KSR1: variants seen among roughly 807,000 people sequenced by gnomAD.
KSR1 encodes kinase suppressor of ras.
KSR1 carries 35 observed loss-of-function variants against 92.9 expected under a neutral mutation model. The observed-to-expected ratio is 0.38, with a 90% CI of 0.29 to 0.50. The LOEUF (loss-of-function observed/expected upper bound fraction) is 0.50. Ranked by LOEUF, KSR1 falls within the 20% of genes least tolerant of loss-of-function variation. The pLI, the probability that KSR1 is intolerant of heterozygous loss-of-function variation, is 0.94. For synonymous variants in KSR1, 467 were observed against 472.6 expected (o/e 0.99, Z 0.15); for missense variants, 972 against 1,158.5 (o/e 0.84, Z 2.34).
intron 1 of KSR1, among the ~76,000 whole-genome samples, chr17:27,529,022 T>C (rs1206573159): frequency 6.6e-6 from 1 of 152,202 alleles, no homozygotes; most frequent in Non-Finnish European, 1.5e-5. Flanking sequence ...CATTTTATGA[T>C]TATAAAAATG....
rs2073733244 is a variant in KSR1 at position 27,605,831 on chromosome 17, C to T, written c.1994+18C>T. ...ATCACCAGGTAACCAAGCCCTAGGA[C>T]CTCATGCTGGATGGCCAGCTCAGCC... is the stretch of plus-strand genomic sequence containing the variant. On this transcript the variant is annotated intron_variant, in intron 14 of 20. Transcript: ENST00000644974. The T allele has an allele frequency of 6.2e-7, 1 of 1,611,252 alleles. No homozygotes were observed. Among genetic ancestry groups the T allele is most frequent in the Non-Finnish European group, 8.5e-7 (1 of 1,179,174 alleles).
At position 27,624,727 on chromosome 17, in the gene KSR1, A is replaced by G. The variant is rs2074302947; in HGVS notation, c.*1335A>G. 6.6e-6 allele frequency: 1 copy of G among 152,168 alleles called. No individual in the cohort carries two copies. Among genetic ancestry groups the G allele is most frequent in the Non-Finnish European group, 1.5e-5 (1 of 68,048 alleles). 9.4% of individuals were successfully genotyped at this position (152,168 alleles called of 1,614,324 possible). On this transcript the variant is annotated 3_prime_UTR_variant, in exon 21 of 21. Coordinates refer to ENST00000644974, the MANE Select transcript of KSR1 (RefSeq NM_001394583.1). ...AAAGGGTGATGGGAGTGGAGACGTG[A>G]TTGGATTCAGGCCCAGAACCTGTGA...
rs1306432786 is a variant in KSR1, at chr17:27,621,272, T to G, written c.2707T>G (p.Tyr903Asp). Residue 903 changes from tyrosine (Y) to aspartate (D), a missense_variant and splice_region_variant, in exon 20 of 21, where the codon TAC (tyrosine) becomes GAC (aspartate). Transcript: ENST00000644974. ...GAGCTCCTGTCCGATTCTGGAGGAA[T>G]AGTGTGTTCCTGTTACTTCCTTCGC... ...FKSSCPILEE[Y>D]INSSKVVPRF... The G allele has an allele frequency of 1.0e-5, 4 of 398,576 alleles. No homozygotes were observed. Among genetic ancestry groups the G allele is most frequent in the Non-Finnish European group, 1.8e-5 (4 of 226,106 alleles). 24.7% of individuals were successfully genotyped at this position (398,576 alleles called of 1,614,324 possible). A position where few individuals can be genotyped will look rare whatever the true frequency, so the allele number is the denominator to read the frequency against.
intron 1 of KSR1, among the ~76,000 whole-genome samples, chr17:27,546,988 C>G (rs1322248843): frequency 6.6e-6 from 1 of 152,108 alleles, no homozygotes; most frequent in Non-Finnish European, 1.5e-5. Context: ...GGGGATCAGC[C>G]TCTGGGTCTG....
At chr17:27,612,538 G>C (rs1216617171) in intron 18 of KSR1, 1 of 152,192 alleles carries the variant, frequency 6.6e-6, no homozygotes. Context: ...GGCCCGATTT[G>C]TCAGAGTTTT....
At chr17:27,588,862 G>T (rs767090596) in intron 6 of KSR1, among the ~76,000 whole-genome samples, 8 of 152,202 alleles carry the variant, frequency 5.3e-5, no homozygotes, top group Non-Finnish European at 1.2e-4. Context: ...CCTACATCCA[G>T]TGCGATGTCA....
intron 1 of KSR1, among the ~76,000 whole-genome samples, chr17:27,517,114 T>C (rs561701238): frequency 6.6e-6 from 1 of 152,334 alleles, no homozygotes; most frequent in African/African-American, 2.4e-5. Flanking sequence ...CCCTTCCCTT[T>C]CTAGGTAATT....
chr17:27,563,325 G>A (rs1220526163), intron 2 of KSR1, among the ~76,000 whole-genome samples: 2 of 151,914 alleles, frequency 1.3e-5, no homozygotes, highest in African/African-American at 4.8e-5. Context: ...GTGTAGTGGT[G>A]CAATCATGGC....
chr17:27,474,067 C>G (rs1172748915), intron 1 of KSR1, among the ~76,000 whole-genome samples: 2 of 152,252 alleles, frequency 1.3e-5, no homozygotes, highest in African/African-American at 4.8e-5. Context: ...ACTTGCATCC[C>G]TCCCTCCTAG....
At position 27,611,306 on chromosome 17, in the gene KSR1, A is replaced by G. The variant is rs2073909930; in HGVS notation, c.2358-188A>G. The G allele has an allele frequency of 5.0e-5, 32 of 643,284 alleles. 1 individual carries two copies. In the East Asian group the frequency reaches 8.7e-4, roughly 17 times the overall value. 39.8% of individuals were successfully genotyped at this position (643,284 alleles called of 1,614,324 possible). Reference sequence around the variant, plus strand: ...CTCAGACTTCCCACCCAACGAGAGCACAGGGCCCAGGTCCTCTAGGGCTGG... The same window carrying G: ...CTCAGACTTCCCACCCAACGAGAGCGCAGGGCCCAGGTCCTCTAGGGCTGG... On this transcript the variant is annotated intron_variant, in intron 17 of 20. Transcript: ENST00000644974.
chr17:27,457,403 A>G (rs146632298), intron 1 of KSR1, among the ~76,000 whole-genome samples: 1 of 152,206 alleles, frequency 6.6e-6, no homozygotes, highest in Admixed American at 6.5e-5. Flanking sequence ...CTGAAACTGC[A>G]TTTTTGTTAT....
At chr17:27,560,246 T>G in intron 2 of KSR1, 1 of 372,380 alleles carries the variant, frequency 2.7e-6, no homozygotes, top group Admixed American at 3.7e-5. Context: ...GGGAAATGAT[T>G]TCAGAGCCTG....
chr17:27,579,709 C>A (rs2948516), intron 3 of KSR1: 1 of 151,302 alleles, frequency 6.6e-6, no homozygotes, highest in Non-Finnish European at 1.5e-5. Context: ...AACCCTGTTT[C>A]TACAAAAAAT....
chr17:27,605,229 C>T (rs2073708582), intron 13 of KSR1, among the ~76,000 whole-genome samples: 1 of 152,328 alleles, frequency 6.6e-6, no homozygotes, highest in Middle Eastern at 3.4e-3. Context: ...CGGGGCCAGC[C>T]GCCACATATT....
intron 3 of KSR1, among the ~76,000 whole-genome samples, chr17:27,580,147 G>A (rs2072692470): frequency 6.6e-6 from 1 of 152,078 alleles, no homozygotes; most frequent in Admixed American, 6.6e-5. Flanking sequence ...TGCAACTTTG[G>A]GGCTTGTTTC....
chr17:27,518,299 T>TAC (rs1313286793), intron 1 of KSR1, among the ~76,000 whole-genome samples: 37 of 152,338 alleles, frequency 2.4e-4, no homozygotes, highest in African/African-American at 8.7e-4. Flanking sequence ...AAGCAATAGC[T>TAC]ACACCTTTTC....
At chr17:27,580,552 C>T (rs187901215) in intron 3 of KSR1, among the ~76,000 whole-genome samples, 16 of 152,256 alleles carry the variant, frequency 1.1e-4, no homozygotes, top group Admixed American at 9.1e-4. Context: ...GTAGCATTGT[C>T]GGGGGCAAGG....
chr17:27,560,516 C>G, intron 2 of KSR1: 1 of 518,100 alleles, frequency 1.9e-6, no homozygotes, highest in Non-Finnish European at 3.9e-6. Flanking sequence ...TCTCCTCTAC[C>G]CTTGCGTTCC....
chr17:27,545,461 G>A (rs929574554), intron 1 of KSR1, among the ~76,000 whole-genome samples: 1 of 152,200 alleles, frequency 6.6e-6, no homozygotes, highest in East Asian at 1.9e-4. Flanking sequence ...TAACACAAGA[G>A]GATCACTTGA....
Sources: allele counts gnomAD v4.1 joint callset (sites outside exome capture counted in the v4.1 genomes callset), GRCh38; gene constraint gnomAD v4.1.1; transcripts MANE v1.5; gene names NCBI Gene and HGNC (gene_info 2026-07-23, HGNC 2026-07-21).